SORBS2: variants seen among roughly 807,000 people sequenced by gnomAD.
SORBS2 encodes sorbin and SH3 domain containing 2.
SORBS2 carries 46 observed loss-of-function variants against 97.7 expected under a neutral mutation model. The observed-to-expected ratio is 0.47, with a 90% CI of 0.37 to 0.60. SORBS2 has a LOEUF of 0.60. Among genes scored for constraint, SORBS2 ranks in the 20% least tolerant of loss-of-function variants. SORBS2 has a pLI of 0.00. For synonymous variants in SORBS2, 476 were observed against 473.4 expected, an observed-to-expected ratio of 1.01 and a Z score of -0.07; for missense variants, 1,316 against 1,282.3, an observed-to-expected ratio of 1.03 and a Z score of -0.40.
intron 4 of SORBS2, among the ~76,000 whole-genome samples, chr4:185,674,920 A>G (rs1056699725): frequency 6.6e-6 from 1 of 152,156 alleles, no homozygotes; most frequent in African/African-American, 2.4e-5. Flanking sequence ...ATAATCTTCT[A>G]ATATATGTAA....
chr4:185,818,184 GTGTT>G lies in SORBS2; in HGVS notation c.-337-42822_-337-42819del, dbSNP rs368500173. On this transcript the variant is annotated intron_variant, in intron 1 of 20. Coordinates refer to the SORBS2 transcript ENST00000284776. ...ACCCAGGTCAGAATTCAGTGCCTAT[GTGTT>G]TGTTTGTTTGTTTGTTTTTGAGATG... Among the ~76,000 whole-genome samples the G allele has an allele frequency of 2.2e-4, 33 of 152,168 alleles. 1 individual carries two copies. In the East Asian group the frequency reaches 3.5e-3, roughly 16 times the overall value.
intron 7 of SORBS2, among the ~76,000 whole-genome samples, chr4:185,621,708 G>A (rs1481049682): frequency 6.6e-6 from 1 of 152,104 alleles, no homozygotes; most frequent in East Asian, 1.9e-4. Flanking sequence ...TAACAATCGA[G>A]CCATATTTGA....
chr4:185,842,364 A>T (rs534358255), intron 1 of SORBS2, among the ~76,000 whole-genome samples: 1 of 152,364 alleles, frequency 6.6e-6, no homozygotes, highest in African/African-American at 2.4e-5. Context: ...CAGAGTGGAC[A>T]AGAAGGAAAG....
At chr4:185,779,387 A>G (rs1219111182) in intron 1 of SORBS2, among the ~76,000 whole-genome samples, 2 of 152,194 alleles carry the variant, frequency 1.3e-5, no homozygotes, top group Non-Finnish European at 2.9e-5. Flanking sequence ...TGCTTTGTAA[A>G]TTTTATATGA....
chr4:185,731,215 G>C (rs1356936806), intron 2 of SORBS2, among the ~76,000 whole-genome samples: 3 of 152,106 alleles, frequency 2.0e-5, no homozygotes, highest in African/African-American at 4.8e-5. Flanking sequence ...GCCCACCTGA[G>C]GAGGAGGAAC....
At chr4:185,874,148 CA>C (rs2099231990) in intron 1 of SORBS2, among the ~76,000 whole-genome samples, 2 of 152,080 alleles carry the variant, frequency 1.3e-5, no homozygotes, top group Non-Finnish European at 2.9e-5. Flanking sequence ...ATTATCTGAA[CA>C]AATAAGAGAT....
At chr4:185,781,343 T>C (rs558918965) in intron 1 of SORBS2, among the ~76,000 whole-genome samples, 1 of 152,368 alleles carries the variant, frequency 6.6e-6, no homozygotes, top group African/African-American at 2.4e-5. Context: ...CTATTCCATT[T>C]GAAATTGAGC....
At chr4:185,917,944 G>A (rs6848332) in intron 1 of SORBS2, among the ~76,000 whole-genome samples, 31,196 of 152,002 alleles carry the variant, frequency 0.21, 4,520 homozygotes, top group African/African-American at 0.41. Flanking sequence ...GATAGAACGG[G>A]TCAAGACTTC....
intron 2 of SORBS2, among the ~76,000 whole-genome samples, chr4:185,752,558 G>A (rs1045246236): frequency 6.6e-6 from 1 of 152,138 alleles, no homozygotes; most frequent in Non-Finnish European, 1.5e-5. Flanking sequence ...TTACAGGCGT[G>A]AGCCACCGTG....
At chr4:185,912,931 C>T (rs1458894747) in intron 1 of SORBS2, among the ~76,000 whole-genome samples, 2 of 152,184 alleles carry the variant, frequency 1.3e-5, no homozygotes, top group African/African-American at 4.8e-5. Context: ...CATTAACACC[C>T]ATTATTGTGC....
At chr4:185,696,088 T>C (rs2098171383) in intron 2 of SORBS2, among the ~76,000 whole-genome samples, 2 of 152,212 alleles carry the variant, frequency 1.3e-5, no homozygotes, top group South Asian at 4.1e-4. Flanking sequence ...ACATCATTTC[T>C]AGGAATAAGG....
intron 4 of SORBS2, among the ~76,000 whole-genome samples, chr4:185,663,140 C>T (rs13139611): frequency 0.49 from 73,945 of 151,946 alleles, 20,256 homozygotes; most frequent in Non-Finnish European, 0.63. Context: ...CATTACAGGG[C>T]GCACACAATG....
chr4:185,678,468 A>G (rs1399151393), exon 4 of SORBS2: 40 of 1,551,102 alleles, frequency 2.6e-5, no homozygotes, highest in Non-Finnish European at 3.2e-5. Context: ...GAACGCTTCT[A>G]AAACCTTTTG....
chr4:185,722,930 C>G (rs1583439448), intron 2 of SORBS2, among the ~76,000 whole-genome samples: 3 of 152,030 alleles, frequency 2.0e-5, no homozygotes, highest in Admixed American at 6.5e-5. Flanking sequence ...GGGAAGAAGG[C>G]AAACATCTGA....
intron 1 of SORBS2, among the ~76,000 whole-genome samples, chr4:185,947,869 T>C (rs1216947120): frequency 2.6e-5 from 4 of 152,152 alleles, no homozygotes; most frequent in Non-Finnish European, 5.9e-5. Flanking sequence ...CCTCAGCCTC[T>C]CAAAGTGCTG....
chr4:185,744,054 T>G (rs117880218), intron 2 of SORBS2, among the ~76,000 whole-genome samples: 1 of 140,678 alleles, frequency 7.1e-6, no homozygotes, highest in African/African-American at 2.7e-5. Flanking sequence ...CCCTTCTTCC[T>G]CCTTCTCCCC....
chr4:185,943,273 C>T (rs2099272972), intron 1 of SORBS2, among the ~76,000 whole-genome samples: 1 of 152,136 alleles, frequency 6.6e-6, no homozygotes, highest in African/African-American at 2.4e-5. Flanking sequence ...AACAAATTAC[C>T]ACCCCTCAGA....
At chr4:185,600,148 G>A (rs2096226627) in intron 12 of SORBS2, among the ~76,000 whole-genome samples, 1 of 152,184 alleles carries the variant, frequency 6.6e-6, no homozygotes, top group Non-Finnish European at 1.5e-5. Context: ...TGCACACACA[G>A]CATGCCAAAC....
intron 1 of SORBS2, among the ~76,000 whole-genome samples, chr4:185,818,292 C>G (rs958629208): frequency 2.0e-5 from 3 of 152,058 alleles, no homozygotes; most frequent in African/African-American, 7.2e-5. Context: ...TGGGTTCAAG[C>G]GATTCTCCTG....
Sources: gnomAD v4.1 joint callset for allele counts (sites outside exome capture counted in the v4.1 genomes callset) on GRCh38, gnomAD v4.1.1 for gene constraint, MANE v1.5 for transcripts, NCBI Gene and HGNC (gene_info 2026-07-23, HGNC 2026-07-21) for gene names.